CMSS1: variants seen among roughly 807,000 people sequenced by gnomAD.
CMSS1 encodes the protein cms1 ribosomal small subunit homolog.
CMSS1 carries 33 observed loss-of-function variants against 43.5 expected under a neutral mutation model. The observed-to-expected ratio is 0.76, with a 90% CI of 0.57 to 1.01. The LOEUF (loss-of-function observed/expected upper bound fraction) is 1.01, where lower values mean the gene tolerates loss of function less well. Ranked by LOEUF, CMSS1 falls within the 50% of genes least tolerant of loss-of-function variation. CMSS1 has a pLI of 0.00. For synonymous variants in CMSS1, 115 were observed against 117.2 expected, an observed-to-expected ratio of 0.98 and a Z score of 0.12; for missense variants, 313 against 326.4, an observed-to-expected ratio of 0.96 and a Z score of 0.32.
chr3:100,037,183 G>A (rs565178532), intron 1 of CMSS1, among the ~76,000 whole-genome samples: 2 of 151,020 alleles, frequency 1.3e-5, no homozygotes, highest in Non-Finnish European at 2.9e-5. Flanking sequence ...TCCTGATTTT[G>A]ATCATTGTGG....
intron 1 of CMSS1, among the ~76,000 whole-genome samples, chr3:99,949,644 C>A (rs1708118147): frequency 6.6e-6 from 1 of 152,188 alleles, no homozygotes; most frequent in Non-Finnish European, 1.5e-5. Context: ...CAAAGAAGTG[C>A]ATGGTGCTTA....
At chr3:99,886,886 C>T (rs1705917396) in intron 1 of CMSS1, among the ~76,000 whole-genome samples, 1 of 151,264 alleles carries the variant, frequency 6.6e-6, no homozygotes. Context: ...AGGAGAATCG[C>T]TTGAACCTGG....
At chr3:100,003,299 T>G (rs1709895705) in intron 1 of CMSS1, among the ~76,000 whole-genome samples, 1 of 152,224 alleles carries the variant, frequency 6.6e-6, no homozygotes, top group East Asian at 1.9e-4. Context: ...CAGCTTGATT[T>G]CTGTCTCAGT....
intron 1 of CMSS1, among the ~76,000 whole-genome samples, chr3:100,060,548 A>G (rs1487891124): frequency 1.3e-5 from 2 of 152,104 alleles, no homozygotes; most frequent in African/African-American, 4.8e-5. Context: ...ACTGAGTAAA[A>G]ACCACCACTT....
intron 1 of CMSS1, among the ~76,000 whole-genome samples, chr3:99,902,278 C>T (rs1303322295): frequency 1.3e-5 from 2 of 152,096 alleles, no homozygotes; most frequent in Non-Finnish European, 2.9e-5. Context: ...TGAGGTTACT[C>T]ATAACAGTTT....
chr3:99,930,523 A>G (rs1245444411), intron 1 of CMSS1, among the ~76,000 whole-genome samples: 1 of 152,212 alleles, frequency 6.6e-6, no homozygotes, highest in Middle Eastern at 3.2e-3. Flanking sequence ...CCTGAGCAGC[A>G]TGGGCAGAGG....
intron 1 of CMSS1, among the ~76,000 whole-genome samples, chr3:100,000,062 T>C (rs978017164): frequency 6.6e-6 from 1 of 152,186 alleles, no homozygotes; most frequent in Non-Finnish European, 1.5e-5. Flanking sequence ...GGCATCTCTA[T>C]TTTTTGAAAG....
intron 2 of CMSS1, chr3:100,159,816 C>G (rs1182613973): frequency 1.1e-5 from 5 of 451,808 alleles, no homozygotes; most frequent in South Asian, 3.1e-5. Flanking sequence ...ACAGATTACT[C>G]TAGATACTGT....
intron 1 of CMSS1, chr3:99,925,926 C>T: frequency 1.0e-6 from 1 of 978,120 alleles, no homozygotes; most frequent in Non-Finnish European, 1.2e-6. Flanking sequence ...ACCAGAAAAA[C>T]ATGTTGGCAA....
intron 1 of CMSS1, among the ~76,000 whole-genome samples, chr3:100,020,009 A>G (rs551269452): frequency 6.6e-6 from 1 of 152,334 alleles, no homozygotes; most frequent in Non-Finnish European, 1.5e-5. Flanking sequence ...TCTGAGTAAT[A>G]TCACTGATTC....
intron 1 of CMSS1, among the ~76,000 whole-genome samples, chr3:100,128,943 C>G (rs1300775348): frequency 6.6e-6 from 1 of 152,126 alleles, no homozygotes; most frequent in Non-Finnish European, 1.5e-5. Flanking sequence ...TAACTTTTAA[C>G]TATCATAGAG....
At chr3:99,875,497 A>G (rs576172790) in intron 1 of CMSS1, among the ~76,000 whole-genome samples, 1 of 152,328 alleles carries the variant, frequency 6.6e-6, no homozygotes, top group African/African-American at 2.4e-5. Context: ...CCTTGTACAA[A>G]TTGACATATG....
chr3:100,006,624 T>A (rs1709994972), intron 1 of CMSS1, among the ~76,000 whole-genome samples: 1 of 151,994 alleles, frequency 6.6e-6, no homozygotes, highest in African/African-American at 2.4e-5. Context: ...ATGATGAGAA[T>A]TCAGCTCATT....
rs374802960 is a variant in CMSS1 at position 100,178,427 on chromosome 3, A to C, written c.*39A>C. On this transcript the variant is annotated 3_prime_UTR_variant, in exon 10 of 10. Transcript: ENST00000421999. ...TGAAGATTCCAGTTTTCACAGTAGA[A>C]GTTGCATCTTATTTAATGACTCTGA... 6 of 1,296,930 alleles carry C rather than the reference A, an allele frequency of 4.6e-6. No homozygotes were observed. The African/African-American group carries it at 8.8e-5, about 19-fold the overall frequency. 80.3% of individuals were successfully genotyped at this position (1,296,930 alleles called of 1,614,324 possible).
At chr3:100,008,927 A>G in intron 1 of CMSS1, among the ~76,000 whole-genome samples, 1 of 152,236 alleles carries the variant, frequency 6.6e-6, no homozygotes, top group East Asian at 1.9e-4. Context: ...GAAACTTGGA[A>G]CACCTATAAA....
chr3:99,823,156 T>C (rs955826742), intron 1 of CMSS1, among the ~76,000 whole-genome samples: 1 of 152,234 alleles, frequency 6.6e-6, no homozygotes, highest in Non-Finnish European at 1.5e-5. Context: ...TGAAATTGTG[T>C]CTATTAGTTT....
At chr3:99,839,799 G>A (rs1374728676) in intron 1 of CMSS1, among the ~76,000 whole-genome samples, 2 of 152,168 alleles carry the variant, frequency 1.3e-5, no homozygotes, top group African/African-American at 4.8e-5. Context: ...TTCAGTATAG[G>A]TTTTTAAAGT....
At chr3:99,971,055 G>A (rs1708799123) in intron 1 of CMSS1, among the ~76,000 whole-genome samples, 1 of 152,106 alleles carries the variant, frequency 6.6e-6, no homozygotes, top group South Asian at 2.1e-4. Flanking sequence ...GAGAATATGG[G>A]GGCTGGGCGT....
At chr3:100,016,297 AT>A (rs760957540) in intron 1 of CMSS1, among the ~76,000 whole-genome samples, 7 of 152,098 alleles carry the variant, frequency 4.6e-5, no homozygotes, top group Non-Finnish European at 8.8e-5. Flanking sequence ...GGTTCAAGTG[AT>A]TCTCCTGCCT....
Sources: gnomAD v4.1 joint callset for allele counts (sites outside exome capture counted in the v4.1 genomes callset) on GRCh38, gnomAD v4.1.1 for gene constraint, MANE v1.5 for transcripts, NCBI Gene and HGNC (gene_info 2026-07-23, HGNC 2026-07-21) for gene names.